Variants in DGKB observed in about 807,000 individuals in gnomAD.
DGKB encodes the protein 90 kDa diacylglycerol kinase.
Under a neutral mutation model 114.3 loss-of-function variants are expected in DGKB, and 67 were observed. The observed-to-expected ratio is 0.59, with a 90% CI of 0.48 to 0.72. The LOEUF is 0.72. Among genes scored for constraint, DGKB ranks in the 30% least tolerant of loss-of-function variants. The pLI, the probability that DGKB is intolerant of heterozygous loss-of-function variation, is 0.00. For missense variants in DGKB, 907 were observed against 975.2 expected, an observed-to-expected ratio of 0.93 and a Z score of 0.93; for synonymous variants, 398 against 323.1, an observed-to-expected ratio of 1.23 and a Z score of -2.49.
At chr7:14,922,134 T>C (rs1011642261) in intron 1 of DGKB, among the ~76,000 whole-genome samples, 2 of 139,218 alleles carry the variant, frequency 1.4e-5, no homozygotes, top group African/African-American at 2.5e-5. Context: ...TAAATATTGA[T>C]GTAGAAAAAA....
chr7:14,647,598 C>G (rs1452070104), intron 13 of DGKB, among the ~76,000 whole-genome samples: 2 of 149,336 alleles, frequency 1.3e-5, no homozygotes, highest in East Asian at 4.0e-4. Flanking sequence ...AATAGCAAAG[C>G]AAATTCAACA....
At chr7:14,973,154 A>G (rs1787574663) in intron 1 of DGKB, among the ~76,000 whole-genome samples, 1 of 152,034 alleles carries the variant, frequency 6.6e-6, no homozygotes, top group South Asian at 2.1e-4. Context: ...TAAAAATACA[A>G]GTCTGAAATC....
intron 21 of DGKB, among the ~76,000 whole-genome samples, chr7:14,372,410 G>A (rs1274382642): frequency 6.6e-6 from 1 of 152,108 alleles, no homozygotes; most frequent in African/African-American, 2.4e-5. Context: ...AGTGCGTAGT[G>A]GGGGGAACTA....
intron 21 of DGKB, among the ~76,000 whole-genome samples, chr7:14,400,191 G>A (rs966149064): frequency 6.6e-6 from 1 of 151,664 alleles, no homozygotes; most frequent in African/African-American, 2.4e-5. Context: ...TCATTTCCTT[G>A]TGACTCTCAG....
chr7:14,246,729 T>C (rs993926140), intron 23 of DGKB, among the ~76,000 whole-genome samples: 13 of 152,270 alleles, frequency 8.5e-5, no homozygotes, highest in African/African-American at 2.4e-4. Flanking sequence ...TACAACATGA[T>C]GTTTTGATGT....
At chr7:14,672,800 G>A (rs1025767371) in intron 13 of DGKB, 129 bp downstream of exon 13, 27 of 481,020 alleles carry the variant, frequency 5.6e-5, no homozygotes, top group Non-Finnish European at 7.9e-5. Flanking sequence ...TCAGAGTAAC[G>A]ACGTATTTTA....
chr7:14,720,638 C>T (rs1237820847), intron 5 of DGKB, among the ~76,000 whole-genome samples: 3 of 151,952 alleles, frequency 2.0e-5, no homozygotes, highest in Non-Finnish European at 2.9e-5. Context: ...CCACCATGCC[C>T]GGCCCCTTTC....
intron 16 of DGKB, among the ~76,000 whole-genome samples, chr7:14,611,176 T>A (rs751706818): frequency 7.9e-5 from 12 of 152,104 alleles, no homozygotes; most frequent in African/African-American, 4.8e-5. Context: ...GAGATAGTTA[T>A]CTCCTTCTCT....
At chr7:14,501,752 T>C (rs1357262122) in intron 20 of DGKB, among the ~76,000 whole-genome samples, 1 of 151,970 alleles carries the variant, frequency 6.6e-6, no homozygotes, top group Admixed American at 6.6e-5. Flanking sequence ...TCCTATGTCA[T>C]TTTATGTTGG....
At chr7:14,934,631 CTTTG>C (rs1010313197) in intron 1 of DGKB, among the ~76,000 whole-genome samples, 11 of 152,096 alleles carry the variant, frequency 7.2e-5, no homozygotes, top group African/African-American at 1.4e-4. Flanking sequence ...TTCTACCAAT[CTTTG>C]TTTGGTTTAT....
chr7:14,759,645 A>G (rs1181740810), intron 2 of DGKB, among the ~76,000 whole-genome samples: 1 of 152,212 alleles, frequency 6.6e-6, no homozygotes, highest in African/African-American at 2.4e-5. Context: ...TCCATTTAAT[A>G]AATCTATTTA....
At chr7:14,771,465 G>A (rs561826323) in intron 2 of DGKB, among the ~76,000 whole-genome samples, 1 of 152,166 alleles carries the variant, frequency 6.6e-6, no homozygotes, top group South Asian at 2.1e-4. Flanking sequence ...TCTAAAGGGG[G>A]TGCTTATATA....
rs527514282 is a variant in DGKB at position 14,912,248 on chromosome 7, T to A, written c.-188+62448A>T. Among the ~76,000 whole-genome samples, 362 of 152,192 alleles carry A rather than the reference T, an allele frequency of 2.4e-3. 2 individuals are homozygous for A. The highest frequency in any genetic ancestry group is 1.9e-3 in the Non-Finnish European group (128 of 68,034). ...TCCTCATATGTTTCATATCTAGATC[T>A]CCAAATAGGCCTATTTCCTAATGTT... On this transcript the variant is annotated intron_variant, in intron 1 of 4. Transcript: ENST00000437998.
intron 23 of DGKB, among the ~76,000 whole-genome samples, chr7:14,336,936 T>G (rs896417557): frequency 1.3e-5 from 2 of 152,128 alleles, no homozygotes; most frequent in African/African-American, 4.8e-5. Context: ...ATATCAAGTA[T>G]TGAGATGTAG....
At chr7:14,602,377 C>A (rs74602415) in intron 17 of DGKB, among the ~76,000 whole-genome samples, 1 of 152,054 alleles carries the variant, frequency 6.6e-6, no homozygotes, top group African/African-American at 2.4e-5. Context: ...AAGAAGAACA[C>A]GAATTTTGGG....
intron 20 of DGKB, among the ~76,000 whole-genome samples, chr7:14,549,271 T>C (rs1274108771): frequency 6.6e-6 from 1 of 152,086 alleles, no homozygotes; most frequent in Non-Finnish European, 1.5e-5. Flanking sequence ...AGGGTGACCA[T>C]AGCCAAAGAA....
chr7:14,410,482 C>CA (rs2128744247), intron 21 of DGKB, among the ~76,000 whole-genome samples: 1 of 152,022 alleles, frequency 6.6e-6, no homozygotes, highest in African/African-American at 2.4e-5. Context: ...CTTATATAAC[C>CA]AAACGTATTT....
At chr7:14,603,956 C>T (rs1253413282) in intron 17 of DGKB, among the ~76,000 whole-genome samples, 2 of 152,096 alleles carry the variant, frequency 1.3e-5, no homozygotes, top group Non-Finnish European at 2.9e-5. Flanking sequence ...TCATAAGTCA[C>T]ATTAACATGT....
At chr7:14,201,690 T>C (rs1039154654) in intron 23 of DGKB, among the ~76,000 whole-genome samples, 1 of 151,978 alleles carries the variant, frequency 6.6e-6, no homozygotes, top group African/African-American at 2.4e-5. Context: ...GCTGGTATTG[T>C]GGACTCTGTG....
Sources: allele counts gnomAD v4.1 joint callset (sites outside exome capture counted in the v4.1 genomes callset), GRCh38; gene constraint gnomAD v4.1.1; transcripts MANE v1.5; gene names NCBI Gene and HGNC (gene_info 2026-07-23, HGNC 2026-07-21).